NARF: variants seen among roughly 807,000 people sequenced by gnomAD.
NARF encodes the protein iron-only hydrogenase-like protein 2.
In NARF, 41 loss-of-function variants were observed where a neutral mutation model predicts 48.0. That is an observed-to-expected ratio of 0.85 (90% CI 0.66 to 1.11). The LOEUF is 1.11. Among genes scored for constraint, NARF ranks in the 50% least tolerant of loss-of-function variants. The pLI, the probability that NARF is intolerant of heterozygous loss-of-function variation, is 0.00. For synonymous variants in NARF, 215 were observed against 225.5 expected (o/e 0.95, Z 0.42); for missense variants, 613 against 590.2 (o/e 1.04, Z -0.40).
chr17:82,487,780 C>G, intron 10 of NARF, 136 bp from the exon 11 acceptor site: 1 of 594,884 alleles, frequency 1.7e-6, no homozygotes, highest in Middle Eastern at 4.7e-4. Context: ...ACACCCGCCC[C>G]TCCCGCCCAA....
At chr17:82,487,793 T>TGGA in intron 10 of NARF, 123 bp from the exon 11 acceptor site, 1 of 401,074 alleles carries the variant, frequency 2.5e-6, no homozygotes, top group Non-Finnish European at 4.7e-6. Context: ...CCGCCCAATC[T>TGGA]CTACAAAAAA....
intron 5 of NARF, chr17:82,476,692 C>T (rs1250092003): frequency 2.0e-5 from 3 of 152,270 alleles, no homozygotes; most frequent in Admixed American, 6.6e-5. Flanking sequence ...ATCTGCCTTC[C>T]TTGGACTCCC....
At chr17:82,469,716 C>T (rs564406875) in intron 4 of NARF, among the ~76,000 whole-genome samples, 63 of 152,272 alleles carry the variant, frequency 4.1e-4, no homozygotes, top group East Asian at 2.7e-3. Context: ...AGAGATTCTC[C>T]TGCCTCAGCC....
intron 7 of NARF, chr17:82,482,089 G>A (rs970866561): frequency 1.0e-5 from 3 of 295,780 alleles, no homozygotes; most frequent in Non-Finnish European, 2.0e-5. Flanking sequence ...CAGTTGGTGG[G>A]GGAAGCTTAA....
At chr17:82,467,623 G>A (rs1442674231) in intron 3 of NARF, among the ~76,000 whole-genome samples, 1 of 152,110 alleles carries the variant, frequency 6.6e-6, no homozygotes, top group Admixed American at 6.6e-5. Context: ...TTCTGCCTCA[G>A]CCTCCCGAGT....
chr17:82,470,375 G>A lies in NARF; in HGVS notation c.385+1479G>A, dbSNP rs62080970. On this transcript the variant is annotated intron_variant, in intron 4 of 10. Transcript: ENST00000309794. The stretch of plus-strand genomic sequence containing the variant: ...GTTGTCAAATGCTATATATTCTCAC[G>A]ATGAAAGCCCTTATTTGGGGCTAGA... 2.6e-3 allele frequency among the ~76,000 whole-genome samples: 390 copies of A among 152,302 alleles called. 1 individual carries two copies. The highest frequency in any genetic ancestry group is 5.8e-3 in the Admixed American group (89 of 15,302).
intron 8 of NARF, chr17:82,484,389 C>T: frequency 6.2e-6 from 1 of 161,202 alleles, no homozygotes; most frequent in Admixed American, 6.3e-5. Flanking sequence ...TCTGTGGGGC[C>T]AGGCGTGGTG....
chr17:82,469,059 C>T (rs2043637984), intron 4 of NARF, among the ~76,000 whole-genome samples, 163 bp downstream of exon 4: 1 of 152,220 alleles, frequency 6.6e-6, no homozygotes, highest in African/African-American at 2.4e-5. Flanking sequence ...GAAACCCAGC[C>T]TCTGATCGAT....
chr17:82,478,343 AGTT>A (rs1232228663), intron 5 of NARF, among the ~76,000 whole-genome samples: 1 of 152,162 alleles, frequency 6.6e-6, no homozygotes, highest in Non-Finnish European at 1.5e-5. Flanking sequence ...AAAAGCGTGC[AGTT>A]GTTGGGCTGT....
chr17:82,468,802 T>C lies in NARF; in HGVS notation c.291T>C (p.Ser97=), dbSNP rs2043632199. The C allele has an allele frequency of 1.2e-6, 2 of 1,614,028 alleles. No individual in the cohort carries two copies. Among genetic ancestry groups the C allele is most frequent in the African/African-American group, 1.3e-5 (1 of 74,936 alleles). The change falls in exon 4 of 11, where the codon TCT becomes TCC. Residue 97 remains serine, a synonymous_variant. Transcript: ENST00000309794. Reference sequence around the variant, plus strand: ...CAAAGCACAAAGTGCTGGTAGTGTCTGTGTGTCCTCAATCTTTGCCTTATT... The same window carrying C: ...CAAAGCACAAAGTGCTGGTAGTGTCCGTGTGTCCTCAATCTTTGCCTTATT... ...DTSKHKVLVV[S]VCPQSLPYFA...
chr17:82,473,381 A>G (rs1249822636), intron 5 of NARF, among the ~76,000 whole-genome samples: 1 of 127,174 alleles, frequency 7.9e-6, no homozygotes, highest in South Asian at 2.5e-4. Context: ...TGCAACCTCC[A>G]CCTCCCAGGT....
At chr17:82,464,592 A>G (rs73999929) in intron 3 of NARF, among the ~76,000 whole-genome samples, 162 bp downstream of exon 3, 3,584 of 152,246 alleles carry the variant, frequency 0.024, 142 homozygotes, top group African/African-American at 0.083. Context: ...AAACCTCTCC[A>G]TCAAGAGCAA....
intron 8 of NARF, chr17:82,484,524 C>T (rs1443170379): frequency 1.1e-5 from 3 of 274,440 alleles, no homozygotes; most frequent in East Asian, 1.5e-4. Context: ...CAGAACAAGA[C>T]CCTGTCTCCA....
chr17:82,486,139 T>TGATC (rs1326604411), intron 10 of NARF, among the ~76,000 whole-genome samples: 3 of 151,972 alleles, frequency 2.0e-5, no homozygotes, highest in Non-Finnish European at 2.9e-5. Flanking sequence ...CTGTGGGCTG[T>TGATC]GATCATCCAG....
At chr17:82,487,202 G>GGC (rs2044114291) in intron 10 of NARF, among the ~76,000 whole-genome samples, 1 of 152,216 alleles carries the variant, frequency 6.6e-6, no homozygotes, top group Non-Finnish European at 1.5e-5. Context: ...AGGCACACGG[G>GGC]TCCAGGCACG....
chr17:82,466,640 A>G (rs2043575529), intron 3 of NARF, among the ~76,000 whole-genome samples: 1 of 152,074 alleles, frequency 6.6e-6, no homozygotes, highest in Non-Finnish European at 1.5e-5. Flanking sequence ...TTTAGTAGAG[A>G]TGGGGTTTCA....
At chr17:82,474,895 T>C (rs1304665645) in intron 5 of NARF, among the ~76,000 whole-genome samples, 3 of 152,210 alleles carry the variant, frequency 2.0e-5, no homozygotes, top group African/African-American at 7.2e-5. Flanking sequence ...TTCAGCTGTA[T>C]GGTTTGCCTT....
chr17:82,465,696 G>A (rs1224649296), intron 3 of NARF, among the ~76,000 whole-genome samples: 1 of 152,126 alleles, frequency 6.6e-6, no homozygotes, highest in African/African-American at 2.4e-5. Context: ...CTCCAGAGCA[G>A]CTGGGACTAC....
chr17:82,479,347 C>G (rs575912566), intron 6 of NARF: 2 of 164,126 alleles, frequency 1.2e-5, no homozygotes, highest in African/African-American at 4.8e-5. Flanking sequence ...CTGCCCTGGC[C>G]TTTCCCTCAG....
Sources: allele counts gnomAD v4.1 joint callset (sites outside exome capture counted in the v4.1 genomes callset), GRCh38; gene constraint gnomAD v4.1.1; transcripts MANE v1.5; gene names NCBI Gene and HGNC (gene_info 2026-07-23, HGNC 2026-07-21).